The following BCAT2 variants were observed in gnomAD, a reference collection of about 807,000 sequenced individuals.
BCAT2 encodes the protein branched-chain-amino-acid aminotransferase, mitochondrial.
BCAT2 carries 44 observed loss-of-function variants against 52.9 expected under a neutral mutation model. The ratio of observed to expected loss-of-function variants is 0.83; its 90% CI spans 0.65 to 1.07. The LOEUF (loss-of-function observed/expected upper bound fraction) is 1.07. Ranked by LOEUF, BCAT2 falls within the 50% of genes least tolerant of loss-of-function variation. The pLI is 0.00. For missense variants in BCAT2, 478 were observed against 521.8 expected, an observed-to-expected ratio of 0.92 and a Z score of 0.82; for synonymous variants, 215 against 217.1, an observed-to-expected ratio of 0.99 and a Z score of 0.08.
In BCAT2 at chr19:48,807,851, C is replaced by T. The variant is rs2034826640; in HGVS notation, c.25-777G>A. ...GGGCCTGGGGAGCCACTGCAGTCCT[C>T]ACTGCATGAGGCTCAGGCGGGTCCT... On this transcript the variant is annotated intron_variant, in intron 1 of 10. Coordinates refer to ENST00000316273, the MANE Select transcript of BCAT2 (RefSeq NM_001190.4). This position sits in a 1 kb window ranked among gnomAD's most constrained non-coding sequence, Gnocchi z 4.6. 1 of 985,584 alleles carries T rather than the reference C, an allele frequency of 1.0e-6. No individual in the cohort carries two copies. 61.1% of individuals were successfully genotyped at this position (985,584 alleles called of 1,614,324 possible).
At position 48,807,122 on chromosome 19, in the gene BCAT2, G is replaced by T; in HGVS notation, c.25-48C>A. ...GAGGGGGTGAGTGGGGCACAGCAGGGGCCCTGGCAGCTCGCTCGCCACCTC... is the reference window on the plus strand; with the variant it reads ...GAGGGGGTGAGTGGGGCACAGCAGGTGCCCTGGCAGCTCGCTCGCCACCTC... On this transcript the variant is annotated intron_variant, in intron 1 of 10. Coordinates refer to ENST00000316273, the MANE Select transcript of BCAT2 (RefSeq NM_001190.4). This position sits in a 1 kb window ranked among gnomAD's most constrained non-coding sequence, Gnocchi z 4.6. 1 of 1,519,312 alleles carries T rather than the reference G, an allele frequency of 6.6e-7. No homozygotes were observed. Among genetic ancestry groups the T allele is most frequent in the Non-Finnish European group, 9.0e-7 (1 of 1,109,178 alleles). 94.1% of individuals were successfully genotyped at this position (1,519,312 alleles called of 1,614,324 possible).
chr19:48,799,636 CAG>C lies in BCAT2; in HGVS notation c.695+37_695+38del. 1 of 1,522,950 alleles carries C rather than the reference CAG, an allele frequency of 6.6e-7. No individual in the cohort carries two copies. Among genetic ancestry groups the C allele is most frequent in the Non-Finnish European group, 8.8e-7 (1 of 1,139,996 alleles). The allele number at this position is 1,522,950 out of a possible 1,614,324, so 94.3% of individuals were successfully genotyped here. A position where few individuals can be genotyped will look rare whatever the true frequency, so the allele number is the denominator to read the frequency against. ...CGCTGGTCCCTGTGTCTCCAACGCC[CAG>C]TGCGCCAGTCGTTCTGGGGATGGGG... On this transcript the variant is annotated intron_variant, in intron 6 of 10. Transcript: ENST00000316273. The surrounding 1 kb of genome is among the most constrained non-coding windows in gnomAD (Gnocchi z 5.5).
At position 48,800,095 on chromosome 19, in the gene BCAT2, G is replaced by T. The variant is rs145585685; in HGVS notation, c.417C>A (p.Phe139Leu). The change falls in exon 5 of 11, where the codon TTC becomes TTA. Residue 139 changes from phenylalanine to leucine, a missense_variant. Transcript: ENST00000316273. ...TGCACTCCAGCAACTCCAGCTTGTC[G>T]AAACTCTGGGTGGGATTCTGAATGA... is the stretch of plus-strand genomic sequence containing the variant. ...RSAMRLCLPS[F>L]DKLELLECIR... 5.9e-5 allele frequency: 95 copies of T among 1,613,924 alleles called. 1 individual carries two copies. In the Middle Eastern group the frequency reaches 6.6e-4, roughly 11 times the overall value.
chr19:48,802,263 A>G (rs2034672810), intron 3 of BCAT2, among the ~76,000 whole-genome samples: 1 of 152,076 alleles, frequency 6.6e-6, no homozygotes, highest in East Asian at 1.9e-4. Flanking sequence ...TGTCCAAGGT[A>G]TGGAAACAGG....
intron 1 of BCAT2, among the ~76,000 whole-genome samples, chr19:48,808,935 A>AATTCTC (rs1182921232): frequency 1.3e-5 from 2 of 151,776 alleles, no homozygotes; most frequent in Non-Finnish European, 2.9e-5. Flanking sequence ...TTAGCCAGGT[A>AATTCTC]TGGTGGCACA....
chr19:48,795,099 A>T lies in BCAT2; in HGVS notation c.*327T>A, dbSNP rs1232713407. 1 of 420,118 alleles carries T rather than the reference A, an allele frequency of 2.4e-6. No homozygotes were observed. Among genetic ancestry groups the T allele is most frequent in the African/African-American group, 2.0e-5 (1 of 49,362 alleles). The allele number at this position is 420,118 out of a possible 1,614,324, so 26.0% of individuals were successfully genotyped here. A position where few individuals can be genotyped will look rare whatever the true frequency, so the allele number is the denominator to read the frequency against. On this transcript the variant is annotated 3_prime_UTR_variant, in exon 11 of 11. Transcript: ENST00000316273. Reference sequence around the variant, plus strand: ...GGCATTTTATTTCAAAATTGCAGCAAAGACAGAGAAAAAAAAATCAACGGC... The same window carrying T: ...GGCATTTTATTTCAAAATTGCAGCATAGACAGAGAAAAAAAAATCAACGGC...
At chr19:48,798,245 C>T (rs2034576089) in intron 6 of BCAT2, among the ~76,000 whole-genome samples, 1 of 152,098 alleles carries the variant, frequency 6.6e-6, no homozygotes, top group South Asian at 2.1e-4. Context: ...GAGGTGTTTC[C>T]AGACCTCCAG....
At chr19:48,802,396 T>G (rs1274708112) in intron 3 of BCAT2, among the ~76,000 whole-genome samples, 1 of 151,526 alleles carries the variant, frequency 6.6e-6, no homozygotes, top group Non-Finnish European at 1.5e-5. Context: ...TAGATACATT[T>G]GCACTTAAAC....
At position 48,799,905 on chromosome 19, in the gene BCAT2, G is replaced by A; in HGVS notation, c.532-67C>T. ...AGTCCCTTCCCGTCCCCAGGCCCAG[G>A]CCTCCAGGACCCCACCCCTGCCCTG... On this transcript the variant is annotated intron_variant, in intron 5 of 10. Coordinates refer to ENST00000316273, the MANE Select transcript of BCAT2 (RefSeq NM_001190.4). The surrounding 1 kb of genome is among the most constrained non-coding windows in gnomAD (Gnocchi z 5.5). 2 of 1,597,448 alleles carry A rather than the reference G, an allele frequency of 1.3e-6. No homozygotes were observed. Among genetic ancestry groups the A allele is most frequent in the Non-Finnish European group, 1.7e-6 (2 of 1,172,662 alleles).
chr19:48,798,415 C>T (rs756542960), intron 6 of BCAT2, among the ~76,000 whole-genome samples: 3 of 152,236 alleles, frequency 2.0e-5, no homozygotes, highest in Non-Finnish European at 4.4e-5. Context: ...TTCCGGCATT[C>T]CAGGCCTGCC....
At position 48,797,232 on chromosome 19, in the gene BCAT2, C is replaced by T. The variant is rs1451163134; in HGVS notation, c.797G>A (p.Gly266Glu). Residue 266 changes from glycine to glutamate, a missense_variant, in exon 7 of 11, where the codon GGA becomes GAA. Coordinates refer to ENST00000316273, the MANE Select transcript of BCAT2 (RefSeq NM_001190.4). Reference sequence around the variant, plus strand: ...CCAGTAGACAAAGATGTTCATGGTTCCCACCTCGGTGAGCTGGTGGTCGGG... The same window carrying T: ...CCAGTAGACAAAGATGTTCATGGTTTCCACCTCGGTGAGCTGGTGGTCGGG... ...YGPDHQLTEV[G>E]TMNIFVYWTH... is the part of the protein sequence containing the mutation. The T allele has an allele frequency of 6.2e-7, 1 of 1,613,752 alleles. No individual in the cohort carries two copies. The highest frequency in any genetic ancestry group is 8.5e-7 in the Non-Finnish European group (1 of 1,179,938).
In BCAT2 at chr19:48,799,509, G is replaced by A; in HGVS notation, c.695+166C>T. On this transcript the variant is annotated intron_variant, in intron 6 of 10. Transcript: ENST00000316273. The surrounding 1 kb of genome is among the most constrained non-coding windows in gnomAD (Gnocchi z 5.5). ...TAATCCCCTCCTCCTTCCTTCCATG[G>A]TTTGTTTTCAGGGACCAGGGAGGTC... 2 of 855,680 alleles carry A rather than the reference G, an allele frequency of 2.3e-6. No individual in the cohort carries two copies. The highest frequency in any genetic ancestry group is 3.3e-6 in the Non-Finnish European group (2 of 603,356). 53.0% of individuals were successfully genotyped at this position (855,680 alleles called of 1,614,324 possible).
Position 48,797,097 on chromosome 19 carries a change from C to T in BCAT2, c.839-75G>A, listed in dbSNP as rs141664210. On this transcript the variant is annotated intron_variant, in intron 7 of 10. Coordinates refer to ENST00000316273, the MANE Select transcript of BCAT2 (RefSeq NM_001190.4). ...CGCCGTCTTAAGAGCCACCCCCTTCCCCCATCCCAGAATCCCTGGGGCCTG... is the reference window on the plus strand; with the variant it reads ...CGCCGTCTTAAGAGCCACCCCCTTCTCCCATCCCAGAATCCCTGGGGCCTG... 765 of 1,607,892 alleles carry T rather than the reference C, an allele frequency of 4.8e-4. 6 individuals are homozygous for T. In the African/African-American group the frequency reaches 9.0e-3, roughly 19 times the overall value.
chr19:48,799,964 C>T lies in BCAT2; in HGVS notation c.531+17G>A, dbSNP rs1158105051. On this transcript the variant is annotated intron_variant, in intron 5 of 10. Transcript: ENST00000316273. This position sits in a 1 kb window ranked among gnomAD's most constrained non-coding sequence, Gnocchi z 5.5. ...AACCCCCGCAGCCCAGCTTCCCAGC[C>T]CTGGAGTTGGGCCCACCTCGTTCCC... 1.2e-6 allele frequency: 2 copies of T among 1,612,162 alleles called. No homozygotes were observed. The highest frequency in any genetic ancestry group is 4.5e-5 in the East Asian group (2 of 44,816).
In BCAT2 at chr19:48,807,384, C is replaced by G. The variant is rs1041707432; in HGVS notation, c.25-310G>C. On this transcript the variant is annotated intron_variant, in intron 1 of 10. Coordinates refer to ENST00000316273, the MANE Select transcript of BCAT2 (RefSeq NM_001190.4). This position sits in a 1 kb window ranked among gnomAD's most constrained non-coding sequence, Gnocchi z 4.6. ...AGATCAGCTCAGACAAGAAAACAACCAGGGAAGGCACACAGGTAAGTGAAG... is the reference window on the plus strand; with the variant it reads ...AGATCAGCTCAGACAAGAAAACAACGAGGGAAGGCACACAGGTAAGTGAAG... 2.1e-5 allele frequency: 6 copies of G among 291,778 alleles called. No individual in the cohort carries two copies. The Admixed American group carries it at 2.5e-4, about 12-fold the overall frequency. 18.1% of individuals were successfully genotyped at this position (291,778 alleles called of 1,614,324 possible).
At chr19:48,808,932 G>T (rs1473700568) in intron 1 of BCAT2, among the ~76,000 whole-genome samples, 2 of 151,748 alleles carry the variant, frequency 1.3e-5, no homozygotes, top group Non-Finnish European at 2.9e-5. Flanking sequence ...AAATTAGCCA[G>T]GTATGGTGGC....
chr19:48,800,169 T>A lies in BCAT2; in HGVS notation c.411+18A>T. 6.2e-7 allele frequency: 1 copy of A among 1,612,684 alleles called. No homozygotes were observed. The highest frequency in any genetic ancestry group is 1.7e-4 in the Middle Eastern group (1 of 6,054). On this transcript the variant is annotated intron_variant, in intron 4 of 10. Coordinates refer to ENST00000316273, the MANE Select transcript of BCAT2 (RefSeq NM_001190.4). ...GCCCCAGCCCTCCTCCCCACCCCGG[T>A]GGACCGGGACCCCTCACCGGCAGGC...
Position 48,796,935 on chromosome 19 carries a change from AC to A in BCAT2, c.924+1del. On this transcript the variant is annotated splice_donor_variant, in intron 8 of 10. Transcript: ENST00000316273. LOFTEE classifies it high-confidence loss of function. ...CATCACCAGAAGATGCCATGTCCTC[AC>A]CCAGGTCTGAGCCATGTCCAGTAGA... 6.2e-7 allele frequency: 1 copy of A among 1,614,018 alleles called. No individual in the cohort carries two copies. Among genetic ancestry groups the A allele is most frequent in the Admixed American group, 1.7e-5 (1 of 60,004 alleles).
Position 48,807,492 on chromosome 19 carries a change from C to A in BCAT2, c.25-418G>T, listed in dbSNP as rs778734088. Reference sequence around the variant, plus strand: ...CTCCCCCAGAGCTCAGGGGTGCAGACCCCAGGCCCGCCTCCCTCAGACCTA... The same window carrying A: ...CTCCCCCAGAGCTCAGGGGTGCAGAACCCAGGCCCGCCTCCCTCAGACCTA... On this transcript the variant is annotated intron_variant, in intron 1 of 10. Transcript: ENST00000316273. The surrounding 1 kb of genome is among the most constrained non-coding windows in gnomAD (Gnocchi z 4.6). The A allele has an allele frequency of 5.1e-5, 9 of 177,352 alleles. No homozygotes were observed. Among genetic ancestry groups the A allele is most frequent in the Non-Finnish European group, 8.2e-5 (7 of 85,022 alleles). 11.0% of individuals were successfully genotyped at this position (177,352 alleles called of 1,614,324 possible). A position where few individuals can be genotyped will look rare whatever the true frequency, so the allele number is the denominator to read the frequency against.
Sources: gnomAD v4.1 joint callset for allele counts (sites outside exome capture counted in the v4.1 genomes callset) on GRCh38, gnomAD v4.1.1 for gene constraint, Gnocchi (gnomAD v3.1) non-coding constraint, MANE v1.5 for transcripts, NCBI Gene and HGNC (gene_info 2026-07-23, HGNC 2026-07-21) for gene names.